PLEKHG3: variants seen among roughly 807,000 people sequenced by gnomAD.
The protein encoded by PLEKHG3 is pleckstrin homology domain-containing family G member 3.
PLEKHG3 carries 62 observed loss-of-function variants against 94.9 expected under a neutral mutation model. The observed-to-expected ratio is 0.65, with a 90% CI of 0.53 to 0.81. The LOEUF (loss-of-function observed/expected upper bound fraction) is 0.81, where lower values mean the gene tolerates loss of function less well. PLEKHG3 is among the 30% of genes least tolerant of loss of function. The pLI, the probability that PLEKHG3 is intolerant of heterozygous loss-of-function variation, is 0.00. For missense variants in PLEKHG3, 1,461 were observed against 1,619.3 expected, an observed-to-expected ratio of 0.90 and a Z score of 1.68; for synonymous variants, 614 against 654.0, an observed-to-expected ratio of 0.94 and a Z score of 0.93.
At position 64,738,263 on chromosome 14, in the gene PLEKHG3, T is replaced by G; in HGVS notation, c.1405-479T>G. The G allele has an allele frequency of 1.4e-4, 166 of 1,185,012 alleles. No individual in the cohort carries two copies. The highest frequency in any genetic ancestry group is 1.7e-4 in the Non-Finnish European group (153 of 896,706). The allele number at this position is 1,185,012 out of a possible 1,614,324, so 73.4% of individuals were successfully genotyped here. A position where few individuals can be genotyped will look rare whatever the true frequency, so the allele number is the denominator to read the frequency against. On this transcript the variant is annotated intron_variant, in intron 14 of 16. Coordinates refer to ENST00000247226, the MANE Select transcript of PLEKHG3 (RefSeq NM_001308147.2). This position sits in a 1 kb window ranked among gnomAD's most constrained non-coding sequence, Gnocchi z 4.8. Reference sequence around the variant, plus strand: ...TCGATCTCCCCTCCTCCTTGCATGCTCCCTGGGATGTGCATGCCCACCCGA... The same window carrying G: ...TCGATCTCCCCTCCTCCTTGCATGCGCCCTGGGATGTGCATGCCCACCCGA...
chr14:64,738,012 G>T lies in PLEKHG3; in HGVS notation c.1404+637G>T. On this transcript the variant is annotated intron_variant, in intron 14 of 16. Coordinates refer to ENST00000247226, the MANE Select transcript of PLEKHG3 (RefSeq NM_001308147.2). The surrounding 1 kb of genome is among the most constrained non-coding windows in gnomAD (Gnocchi z 4.8). The stretch of plus-strand genomic sequence containing the variant: ...GGAGGAGGAGGAGGAGGAAGAGCAG[G>T]CCTTTCAGGTCTCTCTGGAGGACCT... The T allele has an allele frequency of 3.9e-6, 5 of 1,275,698 alleles. No homozygotes were observed. The highest frequency in any genetic ancestry group is 3.0e-4 in the Middle Eastern group (1 of 3,350). The allele number at this position is 1,275,698 out of a possible 1,614,324, so 79.0% of individuals were successfully genotyped here.
Position 64,741,972 on chromosome 14 carries a change from G to T in PLEKHG3, c.2455G>T (p.Glu819Ter). Residue 819 changes from glutamate to a stop codon, truncating the protein, a stop_gained, in exon 16 of 17, where the codon GAG becomes TAG. Coordinates refer to ENST00000247226, the MANE Select transcript of PLEKHG3 (RefSeq NM_001308147.2). LOFTEE classifies it high-confidence loss of function. ...ATCTTCAGAAATTGTGAAGATCTGG[G>T]AGGGAATGGAGTCTTCCGGAGGGAG... is the stretch of plus-strand genomic sequence containing the variant. ...RPSSEIVKIWEGMESSGGSPG... is the reference protein window; with the variant it reads ...RPSSEIVKIW The T allele has an allele frequency of 1.3e-6, 2 of 1,575,258 alleles. No individual in the cohort carries two copies. Among genetic ancestry groups the T allele is most frequent in the Non-Finnish European group, 8.6e-7 (1 of 1,162,680 alleles).
chr14:64,749,218 AC>A lies in PLEKHG3; in HGVS notation c.*5517del, dbSNP rs1486984534. ...CCGCGACTCGACTCATCTCGATTCGACCGGCGGGCGGCGGCGAGAGGAGGCC... is the reference window on the plus strand; with the variant it reads ...CCGCGACTCGACTCATCTCGATTCGACGGCGGGCGGCGGCGAGAGGAGGCC... On this transcript the variant is annotated 3_prime_UTR_variant, in exon 17 of 17. Transcript: ENST00000247226. This position sits in a 1 kb window ranked among gnomAD's most constrained non-coding sequence, Gnocchi z 4.7. 1,193 of 1,476,588 alleles carry A rather than the reference AC, an allele frequency of 8.1e-4. No homozygotes were observed. The highest frequency in any genetic ancestry group is 1.1e-3 in the Non-Finnish European group (1,165 of 1,099,208). 91.5% of individuals were successfully genotyped at this position (1,476,588 alleles called of 1,614,324 possible). A position where few individuals can be genotyped will look rare whatever the true frequency, so the allele number is the denominator to read the frequency against.
chr14:64,739,747 T>C lies in PLEKHG3; in HGVS notation c.1518+892T>C, dbSNP rs141357920. Reference sequence around the variant, plus strand: ...GGTGGCTTCTTGCTGTGTCCTCACATGGCAAAGGGGCAAGGAAGCTCCCTT... The same window carrying C: ...GGTGGCTTCTTGCTGTGTCCTCACACGGCAAAGGGGCAAGGAAGCTCCCTT... On this transcript the variant is annotated intron_variant, in intron 15 of 16. Coordinates refer to ENST00000247226, the MANE Select transcript of PLEKHG3 (RefSeq NM_001308147.2). The surrounding 1 kb of genome is among the most constrained non-coding windows in gnomAD (Gnocchi z 4.1). Among the ~76,000 whole-genome samples the C allele has an allele frequency of 1.3e-5, 2 of 152,222 alleles. No individual in the cohort carries two copies. The highest frequency in any genetic ancestry group is 4.8e-5 in the African/African-American group (2 of 41,460).
In PLEKHG3 at chr14:64,739,004, GA is replaced by G; in HGVS notation, c.1518+151del. On this transcript the variant is annotated intron_variant, in intron 15 of 16. Transcript: ENST00000247226. The surrounding 1 kb of genome is among the most constrained non-coding windows in gnomAD (Gnocchi z 4.1). The stretch of plus-strand genomic sequence containing the variant: ...CCTCCCAGGACTCTCAGCCCTGCAT[GA>G]AGCCTGTTTGGCCTAGAGTATATGG... 1 of 636,346 alleles carries G rather than the reference GA, an allele frequency of 1.6e-6. No homozygotes were observed. Among genetic ancestry groups the G allele is most frequent in the South Asian group, 1.8e-5 (1 of 54,598 alleles). 39.4% of individuals were successfully genotyped at this position (636,346 alleles called of 1,614,324 possible). A position where few individuals can be genotyped will look rare whatever the true frequency, so the allele number is the denominator to read the frequency against.
rs751150261 is a variant in PLEKHG3, at chr14:64,749,633, G to A, written c.*5930G>A. ...CCTACCCCCTTCTTAGCCAGGTCTG[G>A]GCTAGGCTGCCCGCGCTTACCTCAT... On this transcript the variant is annotated 3_prime_UTR_variant, in exon 17 of 17. Transcript: ENST00000247226. The surrounding 1 kb of genome is among the most constrained non-coding windows in gnomAD (Gnocchi z 4.7). The A allele has an allele frequency of 4.3e-6, 7 of 1,613,418 alleles. No homozygotes were observed. The highest frequency in any genetic ancestry group is 5.9e-6 in the Non-Finnish European group (7 of 1,179,934).
rs989842392 is a variant in PLEKHG3 at position 64,716,364 on chromosome 14, C to T, written c.-39-11229C>T. 2.3e-4 allele frequency among the ~76,000 whole-genome samples: 35 copies of T among 151,306 alleles called. No homozygotes were observed. The highest frequency in any genetic ancestry group is 1.9e-3 in the Admixed American group (29 of 15,174). On this transcript the variant is annotated intron_variant, in intron 1 of 16. Transcript: ENST00000247226. This position sits in a 1 kb window ranked among gnomAD's most constrained non-coding sequence, Gnocchi z 5.0. The stretch of plus-strand genomic sequence containing the variant: ...TGGAGGCAACTGTAAATGGTTCTGC[C>T]GGGGACTTCAGGGGGACTTCATGTC...
chr14:64,729,500 G>A (rs1415229402), intron 3 of PLEKHG3, among the ~76,000 whole-genome samples: 3 of 152,140 alleles, frequency 2.0e-5, no homozygotes, highest in Non-Finnish European at 4.4e-5. Flanking sequence ...ACCTATTAGT[G>A]GATTGCACAA....
In PLEKHG3 at chr14:64,716,667, T is replaced by C. The variant is rs2081168663; in HGVS notation, c.-39-10926T>C. Among the ~76,000 whole-genome samples the C allele has an allele frequency of 6.6e-6, 1 of 152,062 alleles. No homozygotes were observed. On this transcript the variant is annotated intron_variant, in intron 1 of 16. Coordinates refer to ENST00000247226, the MANE Select transcript of PLEKHG3 (RefSeq NM_001308147.2). The surrounding 1 kb of genome is among the most constrained non-coding windows in gnomAD (Gnocchi z 5.0). ...GGTAGAGCAGTTGAAAGGAGGTTAT[T>C]CCCCTGCCCTGTCTCCTCCCTGGTG...
At chr14:64,737,273 CT>C in intron 13 of PLEKHG3, 82 bp from the exon 14 acceptor site, 1 of 1,091,224 alleles carries the variant, frequency 9.2e-7, no homozygotes, top group Non-Finnish European at 1.4e-6. Context: ...GTCCAGAGGT[CT>C]TTTTCCTGCT....
Position 64,727,757 on chromosome 14 carries a change from C to A in PLEKHG3, c.126C>A (p.Ser42=). The A allele has an allele frequency of 6.2e-7, 1 of 1,611,554 alleles. No individual in the cohort carries two copies. Among genetic ancestry groups the A allele is most frequent in the Non-Finnish European group, 8.5e-7 (1 of 1,178,748 alleles). Residue 42 remains serine (S), a synonymous_variant, in exon 2 of 17, where the codon TCC becomes TCA. Transcript: ENST00000247226. This position sits in a 1 kb window ranked among gnomAD's most constrained non-coding sequence, Gnocchi z 6.0. ...SRSAMEEPSS[S]EAPAKNGAGS... Reference sequence around the variant, plus strand: ...GTGCCATGGAGGAGCCCAGCAGCTCCGAGGCTCCCGCCAAGAATGGGGCAG... The same window carrying A: ...GTGCCATGGAGGAGCCCAGCAGCTCAGAGGCTCCCGCCAAGAATGGGGCAG...
At position 64,749,631 on chromosome 14, in the gene PLEKHG3, T is replaced by C; in HGVS notation, c.*5928T>C. ...CACCTACCCCCTTCTTAGCCAGGTC[T>C]GGGCTAGGCTGCCCGCGCTTACCTC... On this transcript the variant is annotated 3_prime_UTR_variant, in exon 17 of 17. Coordinates refer to ENST00000247226, the MANE Select transcript of PLEKHG3 (RefSeq NM_001308147.2). The surrounding 1 kb of genome is among the most constrained non-coding windows in gnomAD (Gnocchi z 4.7). 1 of 1,613,314 alleles carries C rather than the reference T, an allele frequency of 6.2e-7. No homozygotes were observed. The highest frequency in any genetic ancestry group is 1.3e-5 in the African/African-American group (1 of 75,030).
At chr14:64,713,281 C>T (rs1183071236) in intron 1 of PLEKHG3, among the ~76,000 whole-genome samples, 3 of 152,086 alleles carry the variant, frequency 2.0e-5, no homozygotes, top group Non-Finnish European at 4.4e-5. Context: ...CTTGTCTGGT[C>T]CTGATGGCAG....
In PLEKHG3 at chr14:64,725,485, T is replaced by C. The variant is rs1464685051; in HGVS notation, c.-39-2108T>C. ...GGGGTGGAGCTTGGGTTTTTATCTG[T>C]CAGTGCTGGAATGACATGGTGTTGC... On this transcript the variant is annotated intron_variant, in intron 1 of 16. Transcript: ENST00000247226. This position sits in a 1 kb window ranked among gnomAD's most constrained non-coding sequence, Gnocchi z 5.0. Among the ~76,000 whole-genome samples the C allele has an allele frequency of 6.6e-6, 1 of 152,160 alleles. No homozygotes were observed. The highest frequency in any genetic ancestry group is 2.4e-5 in the African/African-American group (1 of 41,422).
In PLEKHG3 at chr14:64,742,273, G is replaced by A. The variant is rs764287880; in HGVS notation, c.2756G>A (p.Ser919Asn). The change falls in exon 16 of 17, where the codon AGC becomes AAC. Residue 919 changes from serine to asparagine, a missense_variant. This residue lies in a region of PLEKHG3 where 1,201 missense variants were observed against 1,295.5 expected (regional missense o/e 0.93). Transcript: ENST00000247226. The part of the protein sequence containing the change: ...QLSHVMDSHV[S>N]ERVKNKVYQL... ...TCCCACGTAATGGACAGCCACGTGAGCGAGCGCGTCAAGAACAAGGTCTAC... is the reference window on the plus strand; with the variant it reads ...TCCCACGTAATGGACAGCCACGTGAACGAGCGCGTCAAGAACAAGGTCTAC... 1.6e-5 allele frequency: 26 copies of A among 1,612,884 alleles called. No individual in the cohort carries two copies. The highest frequency in any genetic ancestry group is 2.7e-5 in the African/African-American group (2 of 74,940).
In PLEKHG3 at chr14:64,731,173, C is replaced by G; in HGVS notation, c.849+4C>G. 6.2e-7 allele frequency: 1 copy of G among 1,600,162 alleles called. No individual in the cohort carries two copies. The highest frequency in any genetic ancestry group is 2.2e-5 in the East Asian group (1 of 44,746). ...TGAGCACGCGGTCCGGCTCCAGGTG[C>G]TCTGGGGCTGGGACGCTGGGGGAGG... is the stretch of plus-strand genomic sequence containing the variant. On this transcript the variant is annotated splice_donor_region_variant and intron_variant, in intron 7 of 16. Coordinates refer to ENST00000247226, the MANE Select transcript of PLEKHG3 (RefSeq NM_001308147.2). The surrounding 1 kb of genome is among the most constrained non-coding windows in gnomAD (Gnocchi z 6.1).
At position 64,749,065 on chromosome 14, in the gene PLEKHG3, C is replaced by T. The variant is rs990464698; in HGVS notation, c.*5362C>T. The T allele has an allele frequency of 6.7e-6, 3 of 447,346 alleles. No homozygotes were observed. The highest frequency in any genetic ancestry group is 1.2e-5 in the Non-Finnish European group (3 of 251,228). The allele number at this position is 447,346 out of a possible 1,614,324, so 27.7% of individuals were successfully genotyped here. A position where few individuals can be genotyped will look rare whatever the true frequency, so the allele number is the denominator to read the frequency against. On this transcript the variant is annotated 3_prime_UTR_variant, in exon 17 of 17. Transcript: ENST00000247226. The surrounding 1 kb of genome is among the most constrained non-coding windows in gnomAD (Gnocchi z 4.7). ...CCCAGGCCTGGAGGCCCCAAAGGCG[C>T]CAGAGGAGCTGGGAGCCCCTGTCCC... is the stretch of plus-strand genomic sequence containing the variant.
rs2081592403 is a variant in PLEKHG3 at position 64,737,389 on chromosome 14, G to A, written c.1404+14G>A. On this transcript the variant is annotated intron_variant, in intron 14 of 16. Coordinates refer to ENST00000247226, the MANE Select transcript of PLEKHG3 (RefSeq NM_001308147.2). ...GCAGGAATGAAGGTAAAGGCCAGTGGGAGGAGGGGACTGGCTGACAGAGGA... is the reference window on the plus strand; with the variant it reads ...GCAGGAATGAAGGTAAAGGCCAGTGAGAGGAGGGGACTGGCTGACAGAGGA... 2.5e-6 allele frequency: 4 copies of A among 1,577,088 alleles called. No homozygotes were observed. Among genetic ancestry groups the A allele is most frequent in the Non-Finnish European group, 3.4e-6 (4 of 1,160,274 alleles).
At position 64,749,785 on chromosome 14, in the gene PLEKHG3, C is replaced by G. The variant is rs1053924839; in HGVS notation, c.*6082C>G. Reference sequence around the variant, plus strand: ...GGCTCTGATCCCACAATACCCTGAGCCGAACATCCAGACCCCTCTCAGGCA... The same window carrying G: ...GGCTCTGATCCCACAATACCCTGAGGCGAACATCCAGACCCCTCTCAGGCA... On this transcript the variant is annotated 3_prime_UTR_variant, in exon 17 of 17. Transcript: ENST00000247226. The surrounding 1 kb of genome is among the most constrained non-coding windows in gnomAD (Gnocchi z 4.7). 1.1e-4 allele frequency: 172 copies of G among 1,547,408 alleles called. No homozygotes were observed. The African/African-American group carries it at 1.9e-3, about 17-fold the overall frequency.
Sources: allele counts gnomAD v4.1 joint callset (sites outside exome capture counted in the v4.1 genomes callset), GRCh38; gene constraint gnomAD v4.1.1; regional missense constraint gnomAD v4.1.1; non-coding constraint Gnocchi (gnomAD v3.1); transcripts MANE v1.5; gene names NCBI Gene and HGNC (gene_info 2026-07-23, HGNC 2026-07-21).